Variants in NAA38 observed in about 807,000 individuals in gnomAD.
The protein encoded by NAA38 is LSM domain containing 1.
NAA38 carries 15 observed loss-of-function variants against 12.6 expected under a neutral mutation model. The observed-to-expected ratio is 1.19, with a 90% CI of 0.79 to 1.83. NAA38 has a LOEUF of 1.83. Ranked by LOEUF, NAA38 falls within the 40% of genes most tolerant of loss-of-function variation. The pLI, the probability that NAA38 is intolerant of heterozygous loss-of-function variation, is 0.00. For synonymous variants in NAA38, 88 were observed against 69.9 expected, an observed-to-expected ratio of 1.26 and a Z score of -1.29; for missense variants, 183 against 171.7, an observed-to-expected ratio of 1.07 and a Z score of -0.37.
At chr17:7,859,645 CG>C (rs1391652632), upstream of NAA38, 13 of 1,601,042 alleles carry the variant, frequency 8.1e-6, no homozygotes, top group Non-Finnish European at 8.6e-6. Context: ...AGACTCAAGA[CG>C]TATTTCGAGT....
rs562402581 is a variant in NAA38 at position 7,878,801 on chromosome 17, T to C, written c.-66+4434A>G. Among the ~76,000 whole-genome samples, 19 of 152,258 alleles carry C rather than the reference T, an allele frequency of 1.2e-4. 1 individual carries two copies. Among genetic ancestry groups the C allele is most frequent in the African/African-American group, 4.6e-4 (19 of 41,560 alleles). On this transcript the variant is annotated intron_variant, in intron 2 of 4. Transcript: ENST00000576861. The stretch of plus-strand genomic sequence containing the variant: ...GTACATGTTGAAAATTTTCAGATTG[T>C]ACAGTAAGTATAAAAAGTCATTTTC...
At chr17:7,858,593 C>T (rs1250089275), upstream of NAA38, 3 of 1,607,206 alleles carry the variant, frequency 1.9e-6, no homozygotes, top group Non-Finnish European at 1.7e-6. Context: ...TCGCCCCAAA[C>T]CCTCCTTTAA....
intron 1 of NAA38, chr17:7,885,152 G>T: frequency 1.0e-6 from 1 of 982,212 alleles, no homozygotes; most frequent in Non-Finnish European, 1.2e-6. Flanking sequence ...CCGGGCGGGG[G>T]CGAGGCACCC....
At chr17:7,864,413 C>T (rs4290529) in intron 3 of NAA38, 41,834 of 152,016 alleles carry the variant, frequency 0.28, 7,064 homozygotes, top group East Asian at 0.82. Flanking sequence ...CTCAAACTCC[C>T]GAGCTCAGAC....
At chr17:7,857,982 G>T (rs2078845128), upstream of NAA38, 2 of 1,493,992 alleles carry the variant, frequency 1.3e-6, no homozygotes, top group African/African-American at 2.8e-5. Flanking sequence ...TTATCTCAGT[G>T]GACGGTGGCC....
chr17:7,873,568 T>C lies in NAA38; in HGVS notation c.-65-7010A>G, dbSNP rs541061697. Among the ~76,000 whole-genome samples, 14 of 152,206 alleles carry C rather than the reference T, an allele frequency of 9.2e-5. 1 individual carries two copies. The South Asian group carries it at 2.7e-3, about 29-fold the overall frequency. The stretch of plus-strand genomic sequence containing the variant: ...GTATTTCTTTCAAAGATAAGGAGAT[T>C]TGAGCACATTTTAATGTGACTGGGA... On this transcript the variant is annotated intron_variant, in intron 2 of 4. Coordinates refer to the NAA38 transcript ENST00000576861.
upstream of NAA38, chr17:7,860,947 G>A (rs533155757): frequency 6.6e-6 from 1 of 152,288 alleles, no homozygotes; most frequent in Admixed American, 6.5e-5. Flanking sequence ...GAAAAAGGAG[G>A]CAGTTTGCCA....
intron 2 of NAA38, among the ~76,000 whole-genome samples, chr17:7,873,484 C>A (rs1967121752): frequency 6.6e-6 from 1 of 152,258 alleles, no homozygotes; most frequent in East Asian, 1.9e-4. Flanking sequence ...TTAATGCTTT[C>A]AAGAGGCTTG....
At chr17:7,868,306 C>A (rs1967025623) in intron 2 of NAA38, among the ~76,000 whole-genome samples, 1 of 152,086 alleles carries the variant, frequency 6.6e-6, no homozygotes, top group African/African-American at 2.4e-5. Context: ...AAGTGCTGCA[C>A]AGAGGTCACG....
intron 2 of NAA38, chr17:7,877,131 TA>T: frequency 3.0e-6 from 1 of 335,774 alleles, no homozygotes. Flanking sequence ...CTCCAGTTGC[TA>T]ACGTAATCAA....
chr17:7,859,560 T>C, upstream of NAA38: 20 of 1,614,160 alleles, frequency 1.2e-5, no homozygotes, highest in Non-Finnish European at 1.7e-5. Context: ...GACGGTACAC[T>C]TCACACACCT....
rs59969118 is a variant in NAA38 at position 7,877,867 on chromosome 17, A to T, written c.-66+5368T>A. 2.6e-5 allele frequency among the ~76,000 whole-genome samples: 4 copies of T among 152,320 alleles called. No homozygotes were observed. The East Asian group carries it at 7.7e-4, about 29-fold the overall frequency. ...CATCTCATTGACTTAAAACTCATGT[A>T]GTATATAGTAGAAGAACACTAGATT... On this transcript the variant is annotated intron_variant, in intron 2 of 4. Transcript: ENST00000576861.
intron 2 of NAA38, among the ~76,000 whole-genome samples, chr17:7,871,947 G>C (rs1967093524): frequency 6.6e-6 from 1 of 152,150 alleles, no homozygotes; most frequent in African/African-American, 2.4e-5. Context: ...GAGCCACCAA[G>C]CCTGTCCTTA....
chr17:7,882,636 A>G (rs2151394080), intron 2 of NAA38, among the ~76,000 whole-genome samples: 2 of 152,292 alleles, frequency 1.3e-5, no homozygotes, highest in Admixed American at 1.3e-4. Flanking sequence ...AGTTAGACTT[A>G]GTACAGAAAT....
At chr17:7,858,413 G>A (rs1280214539), upstream of NAA38, 2 of 1,614,166 alleles carry the variant, frequency 1.2e-6, no homozygotes, top group Admixed American at 3.3e-5. Context: ...GGAACCTGCT[G>A]CTGAAACCCA....
chr17:7,885,188 C>G (rs1369322508), exon 1 of NAA38: 1 of 970,380 alleles, frequency 1.0e-6, no homozygotes, highest in African/African-American at 1.8e-5. Context: ...CGAGGCGAAT[C>G]CGGAGCGCGA....
At chr17:7,858,638 C>T (rs745995053), upstream of NAA38, 43 of 1,606,058 alleles carry the variant, frequency 2.7e-5, no homozygotes, top group Non-Finnish European at 3.4e-5. Context: ...TGACCGGCTG[C>T]CTGAGGTACT....
At chr17:7,871,819 T>G (rs1031244879) in intron 2 of NAA38, among the ~76,000 whole-genome samples, 2 of 152,178 alleles carry the variant, frequency 1.3e-5, no homozygotes, top group African/African-American at 4.8e-5. Context: ...GATGCCTGGC[T>G]ATTTTTTGTA....
chr17:7,860,903 A>T (rs960001652), upstream of NAA38: 1 of 152,160 alleles, frequency 6.6e-6, no homozygotes, highest in Non-Finnish European at 1.5e-5. Flanking sequence ...GAGTGGGGAA[A>T]AGGCCGGCAA....
Sources: allele counts gnomAD v4.1 joint callset (sites outside exome capture counted in the v4.1 genomes callset), GRCh38; gene constraint gnomAD v4.1.1; transcripts MANE v1.5; gene names NCBI Gene and HGNC (gene_info 2026-07-23, HGNC 2026-07-21).